The following DSCAM variants were observed in gnomAD, a reference collection of about 807,000 sequenced individuals.
DSCAM encodes DS cell adhesion molecule.
Under a neutral mutation model 217.7 loss-of-function variants are expected in DSCAM, and 47 were observed. The ratio of observed to expected loss-of-function variants is 0.22; its 90% CI spans 0.17 to 0.28. DSCAM has a LOEUF of 0.28. Ranked by LOEUF, DSCAM falls within the 10% of genes least tolerant of loss-of-function variation. DSCAM has a pLI of 1.00. For missense variants in DSCAM, 2,080 were observed against 2,618.3 expected, an observed-to-expected ratio of 0.79 and a Z score of 4.49; for synonymous variants, 1,056 against 1,015.3, an observed-to-expected ratio of 1.04 and a Z score of -0.76.
chr21:40,031,301 T>G (rs2088519588), intron 32 of DSCAM, among the ~76,000 whole-genome samples: 1 of 142,106 alleles, frequency 7.0e-6, no homozygotes, highest in South Asian at 2.1e-4. Context: ...AGATTCCAGC[T>G]CTACAGATGA....
intron 11 of DSCAM, among the ~76,000 whole-genome samples, chr21:40,268,543 T>C (rs1470534207): frequency 1.3e-5 from 2 of 151,710 alleles, no homozygotes; most frequent in Non-Finnish European, 2.9e-5. Context: ...ACCCCAAAGT[T>C]AAAAAAAATA....
At chr21:40,769,327 G>A (rs2091424414) in intron 1 of DSCAM, among the ~76,000 whole-genome samples, 1 of 152,210 alleles carries the variant, frequency 6.6e-6, no homozygotes, top group African/African-American at 2.4e-5. Context: ...GGGAATGTGG[G>A]AGCTCTGGTC....
At chr21:40,698,505 G>T (rs181039549) in intron 2 of DSCAM, among the ~76,000 whole-genome samples, 2 of 152,268 alleles carry the variant, frequency 1.3e-5, no homozygotes, top group East Asian at 1.9e-4. Flanking sequence ...GGACTTGCTT[G>T]CTAGGCAATA....
At chr21:40,390,025 C>G (rs1415099467) in intron 3 of DSCAM, among the ~76,000 whole-genome samples, 1 of 152,148 alleles carries the variant, frequency 6.6e-6, no homozygotes, top group African/African-American at 2.4e-5. Flanking sequence ...TATCCATTCC[C>G]CCACCACCCC....
chr21:40,498,663 A>G (rs2076139649), intron 3 of DSCAM, among the ~76,000 whole-genome samples: 1 of 90,088 alleles, frequency 1.1e-5, no homozygotes, highest in African/African-American at 4.9e-5. Flanking sequence ...GTGTATATAT[A>G]TACCCATATA....
intron 11 of DSCAM, among the ~76,000 whole-genome samples, chr21:40,253,171 G>T (rs2073327509): frequency 2.6e-5 from 4 of 152,156 alleles, no homozygotes; most frequent in Admixed American, 1.3e-4. Flanking sequence ...GCTTAGGATG[G>T]TTGGTCCACA....
chr21:40,346,940 G>C (rs570413925), intron 6 of DSCAM, among the ~76,000 whole-genome samples: 11 of 152,152 alleles, frequency 7.2e-5, no homozygotes, highest in Non-Finnish European at 1.6e-4. Flanking sequence ...ATTTTTGGTT[G>C]TAACAACTTG....
chr21:40,347,870 A>G lies in DSCAM; in HGVS notation c.1010T>C (p.Val337Ala). ...GAGTTCCTGGTCCTCAGTTCCTGTC[A>G]CGCTGCAGGACAAGGAAACTTGGCT... ...VGSQVSLSCS[V>A]TGTEDQELSW... Residue 337 changes from valine to alanine, a missense_variant, in exon 6 of 33, where the codon GTG becomes GCG. By Grantham distance (64) the Val-to-Ala change is moderately conservative (BLOSUM62 0). Around this residue, in one of 5 missense-constraint regions of DSCAM, gnomAD observed 568 missense variants for 678.1 expected, o/e 0.84. Coordinates refer to ENST00000400454, the MANE Select transcript of DSCAM (RefSeq NM_001389.5). The G allele has an allele frequency of 1.2e-6, 2 of 1,614,054 alleles. No individual in the cohort carries two copies. Among genetic ancestry groups the G allele is most frequent in the Non-Finnish European group, 1.7e-6 (2 of 1,179,970 alleles).
intron 3 of DSCAM, among the ~76,000 whole-genome samples, chr21:40,648,695 A>G (rs1250428723): frequency 3.3e-5 from 5 of 152,092 alleles, no homozygotes; most frequent in Non-Finnish European, 5.9e-5. Context: ...ACACTCATAA[A>G]CCAATCAGCA....
At chr21:40,424,960 T>G (rs1298872339) in intron 3 of DSCAM, among the ~76,000 whole-genome samples, 3 of 151,498 alleles carry the variant, frequency 2.0e-5, no homozygotes, top group Non-Finnish European at 4.4e-5. Flanking sequence ...TAGCTGGGCA[T>G]GGGGATGGGT....
At chr21:40,145,883 G>C (rs1162070238) in intron 16 of DSCAM, among the ~76,000 whole-genome samples, 2 of 151,748 alleles carry the variant, frequency 1.3e-5, no homozygotes, top group Non-Finnish European at 2.9e-5. Flanking sequence ...ACCAAGATGA[G>C]GCTCTAGGGA....
chr21:40,171,296 T>C (rs1049502819), intron 15 of DSCAM, among the ~76,000 whole-genome samples: 6 of 152,124 alleles, frequency 3.9e-5, no homozygotes, highest in African/African-American at 1.4e-4. Context: ...CAGGCTGGTC[T>C]CGAACTCCTG....
At chr21:40,686,648 T>C (rs2090481743) in intron 3 of DSCAM, among the ~76,000 whole-genome samples, 1 of 152,210 alleles carries the variant, frequency 6.6e-6, no homozygotes. Flanking sequence ...AATACACAGT[T>C]TGCAGCTTTC....
intron 11 of DSCAM, among the ~76,000 whole-genome samples, chr21:40,224,919 A>G (rs2091318461): frequency 6.6e-6 from 1 of 152,256 alleles, no homozygotes; most frequent in South Asian, 2.1e-4. Flanking sequence ...TCACCTGAAC[A>G]TTCAATCCCA....
intron 1 of DSCAM, among the ~76,000 whole-genome samples, chr21:40,711,242 G>A (rs549716019): frequency 6.6e-6 from 1 of 152,266 alleles, no homozygotes; most frequent in African/African-American, 2.4e-5. Context: ...TTTCTCCGTG[G>A]TGTGGAGCTG....
At chr21:40,062,617 A>G (rs2089140225) in intron 28 of DSCAM, among the ~76,000 whole-genome samples, 1 of 152,238 alleles carries the variant, frequency 6.6e-6, no homozygotes. Flanking sequence ...GCTAATGGGA[A>G]GCCTTCTATT....
chr21:40,539,843 TC>T (rs965676899), intron 3 of DSCAM, among the ~76,000 whole-genome samples: 12 of 152,192 alleles, frequency 7.9e-5, no homozygotes, highest in African/African-American at 2.9e-4. Flanking sequence ...CCCAGGGCAT[TC>T]CTGGTGTGTC....
At chr21:40,242,976 C>A (rs977949362) in intron 11 of DSCAM, among the ~76,000 whole-genome samples, 47 of 152,320 alleles carry the variant, frequency 3.1e-4, no homozygotes, top group African/African-American at 1.1e-3. Flanking sequence ...AAGGTGACCC[C>A]TTATTACCCA....
At chr21:40,048,868 C>T (rs1257126410) in intron 30 of DSCAM, among the ~76,000 whole-genome samples, 1 of 152,126 alleles carries the variant, frequency 6.6e-6, no homozygotes, top group African/African-American at 2.4e-5. Flanking sequence ...GGGTTTCAGA[C>T]TCTTGAACCC....
Sources: gnomAD v4.1 joint callset for allele counts (sites outside exome capture counted in the v4.1 genomes callset) on GRCh38, gnomAD v4.1.1 for gene constraint, gnomAD v4.1.1 regional missense constraint, MANE v1.5 for transcripts, NCBI Gene and HGNC (gene_info 2026-07-23, HGNC 2026-07-21) for gene names.